The following PTPRJ variants were observed in gnomAD, a reference collection of about 807,000 sequenced individuals.
The protein encoded by PTPRJ is receptor-type tyrosine-protein phosphatase eta.
A neutral mutation model predicts 141.3 loss-of-function variants in PTPRJ; 129 were observed. The observed-to-expected ratio is 0.91, with a 90% CI of 0.79 to 1.06. The LOEUF (loss-of-function observed/expected upper bound fraction) is 1.06. Among genes scored for constraint, PTPRJ ranks in the 50% least tolerant of loss-of-function variants. The pLI, the probability that PTPRJ is intolerant of heterozygous loss-of-function variation, is 0.00. For synonymous variants in PTPRJ, 610 were observed against 640.5 expected, an observed-to-expected ratio of 0.95 and a Z score of 0.72; for missense variants, 1,601 against 1,679.7, an observed-to-expected ratio of 0.95 and a Z score of 0.82.
At chr11:48,132,584 C>T (rs374890765) in intron 8 of PTPRJ, 7 of 963,540 alleles carry the variant, frequency 7.3e-6, no homozygotes, top group African/African-American at 3.5e-5. Context: ...TAAAGATATA[C>T]CTAATGTAAA....
At chr11:48,022,277 C>T (rs559467940) in intron 1 of PTPRJ, among the ~76,000 whole-genome samples, 341 of 152,042 alleles carry the variant, frequency 2.2e-3, no homozygotes, top group Non-Finnish European at 3.9e-3. Context: ...CCAGCCTGGC[C>T]AACATGGAGA....
chr11:48,101,679 G>GT (rs1856152742), intron 1 of PTPRJ, among the ~76,000 whole-genome samples: 1 of 152,216 alleles, frequency 6.6e-6, no homozygotes. Context: ...GGAGGATTCC[G>GT]TGGGGAGCTA....
intron 22 of PTPRJ, among the ~76,000 whole-genome samples, chr11:48,161,052 C>T (rs930580357): frequency 2.6e-5 from 4 of 151,630 alleles, no homozygotes; most frequent in African/African-American, 9.7e-5. Flanking sequence ...CTGGTATACA[C>T]CTGTAGTCCC....
chr11:48,002,698 C>T (rs1854531079), intron 1 of PTPRJ, among the ~76,000 whole-genome samples: 1 of 152,138 alleles, frequency 6.6e-6, no homozygotes, highest in Non-Finnish European at 1.5e-5. Flanking sequence ...AGATTTGTGA[C>T]TGTGATGGGC....
chr11:48,153,995 A>G (rs1177493579), intron 19 of PTPRJ, 109 bp downstream of exon 19: 30 of 764,906 alleles, frequency 3.9e-5, no homozygotes, highest in Non-Finnish European at 6.8e-6. Context: ...TTCCACAACC[A>G]TTCATTAGTC....
chr11:48,159,125 G>C lies in PTPRJ; in HGVS notation c.3439-805G>C, dbSNP rs1417752171. Among the ~76,000 whole-genome samples the C allele has an allele frequency of 1.9e-4, 26 of 136,736 alleles. 1 individual carries two copies. In the South Asian group the frequency reaches 5.9e-3, roughly 31 times the overall value. The allele number at this position is 136,736 out of a possible 152,430, so 89.7% of individuals were successfully genotyped here. A position where few individuals can be genotyped will look rare whatever the true frequency, so the allele number is the denominator to read the frequency against. ...GTGTGTGTGTGTGTGTATGTGGGGT[G>C]TGTGTGTGTGTGTGTGTGTGTGTGT... On this transcript the variant is annotated intron_variant, in intron 21 of 24. Transcript: ENST00000418331.
intron 1 of PTPRJ, among the ~76,000 whole-genome samples, chr11:48,044,320 C>T (rs1854339088): frequency 6.6e-6 from 1 of 152,202 alleles, no homozygotes. Context: ...AATGTAACCT[C>T]ATGAGGGCCA....
intron 3 of PTPRJ, among the ~76,000 whole-genome samples, chr11:48,117,944 G>T (rs1393463616): frequency 3.3e-5 from 5 of 152,032 alleles, no homozygotes; most frequent in Non-Finnish European, 7.4e-5. Flanking sequence ...CCAACAAATT[G>T]GATAACCTAG....
intron 1 of PTPRJ, among the ~76,000 whole-genome samples, chr11:48,072,606 A>C (rs1242436991): frequency 6.6e-6 from 1 of 152,192 alleles, no homozygotes; most frequent in Non-Finnish European, 1.5e-5. Flanking sequence ...AGAGATAGCA[A>C]TATATATCTT....
intron 1 of PTPRJ, among the ~76,000 whole-genome samples, chr11:48,021,608 C>G (rs752986933): frequency 6.6e-6 from 1 of 151,630 alleles, no homozygotes; most frequent in Non-Finnish European, 1.5e-5. Context: ...TTAACCAGCA[C>G]GGCACCCTGC....
At chr11:48,068,579 C>T (rs568021971) in intron 1 of PTPRJ, among the ~76,000 whole-genome samples, 9 of 152,168 alleles carry the variant, frequency 5.9e-5, no homozygotes, top group African/African-American at 1.2e-4. Flanking sequence ...TATAAATTAC[C>T]CAGTCTCAGG....
intron 1 of PTPRJ, among the ~76,000 whole-genome samples, chr11:48,076,651 A>G (rs751632624): frequency 5.3e-5 from 8 of 152,174 alleles, no homozygotes; most frequent in Non-Finnish European, 1.0e-4. Flanking sequence ...ATTGGCATCA[A>G]TGGAAGACCC....
Position 48,154,008 on chromosome 11 carries a change from C to G in PTPRJ, c.3229+122C>G, listed in dbSNP as rs1857545809. ...ACTTCCACAACCATTCATTAGTCAC[C>G]TACTTCCACAACCATCCATTATTCA... On this transcript the variant is annotated intron_variant, in intron 19 of 24. Coordinates refer to ENST00000418331, the MANE Select transcript of PTPRJ (RefSeq NM_002843.4). The G allele has an allele frequency of 4.1e-6, 3 of 725,310 alleles. No individual in the cohort carries two copies. In the African/African-American group the frequency reaches 5.3e-5, roughly 13 times the overall value. 44.9% of individuals were successfully genotyped at this position (725,310 alleles called of 1,614,324 possible). A position where few individuals can be genotyped will look rare whatever the true frequency, so the allele number is the denominator to read the frequency against.
chr11:48,101,845 A>G (rs912825457), intron 1 of PTPRJ, among the ~76,000 whole-genome samples: 1 of 152,214 alleles, frequency 6.6e-6, no homozygotes, highest in Non-Finnish European at 1.5e-5. Context: ...CTTCAACTGA[A>G]GAATTGAAAC....
At chr11:48,127,644 C>A in intron 6 of PTPRJ, 136 bp from the exon 7 acceptor site, 1 of 907,744 alleles carries the variant, frequency 1.1e-6, no homozygotes, top group Non-Finnish European at 1.7e-6. Flanking sequence ...CTTTCCTAGC[C>A]ACGGTTGATG....
At chr11:48,042,979 AT>A (rs542723314) in intron 1 of PTPRJ, among the ~76,000 whole-genome samples, 212 of 152,212 alleles carry the variant, frequency 1.4e-3, no homozygotes, top group Middle Eastern at 6.8e-3. Context: ...TTTTCTTTTG[AT>A]TTGTGATTCT....
intron 8 of PTPRJ, chr11:48,131,771 A>G (rs1856989282): frequency 4.9e-6 from 2 of 408,884 alleles, no homozygotes; most frequent in East Asian, 7.5e-5. Flanking sequence ...CCTCTGGGCT[A>G]GATCAGTGGT....
At chr11:48,110,490 C>G (rs957691977) in intron 2 of PTPRJ, among the ~76,000 whole-genome samples, 4 of 152,156 alleles carry the variant, frequency 2.6e-5, no homozygotes, top group Non-Finnish European at 5.9e-5. Context: ...CGAGCCACCA[C>G]GCCCGGCCCC....
At chr11:48,127,646 C>T (rs1446082590) in intron 6 of PTPRJ, 134 bp from the exon 7 acceptor site, 31 of 918,852 alleles carry the variant, frequency 3.4e-5, no homozygotes, top group Admixed American at 5.0e-5. Context: ...TTCCTAGCCA[C>T]GGTTGATGGT....
Sources: gnomAD v4.1 joint callset for allele counts (sites outside exome capture counted in the v4.1 genomes callset) on GRCh38, gnomAD v4.1.1 for gene constraint, MANE v1.5 for transcripts, NCBI Gene and HGNC (gene_info 2026-07-23, HGNC 2026-07-21) for gene names.